KDM5D: variants seen among roughly 807,000 people sequenced by gnomAD.
KDM5D encodes lysine-specific demethylase 5D.
KDM5D carries 25 observed loss-of-function variants against 31.9 expected under a neutral mutation model. The observed-to-expected ratio is 0.78, with a 90% CI of 0.57 to 1.09. KDM5D has a LOEUF of 1.09. KDM5D is among the 50% of genes least tolerant of loss of function. The pLI is 0.00. For synonymous variants in KDM5D, 146 were observed against 122.3 expected (o/e 1.19, Z -1.28); for missense variants, 366 against 341.6 (o/e 1.07, Z -0.56).
chrY:19,744,603 C>T, intron 1 of KDM5D, 50 bp from the exon 2 acceptor site: 3 of 229,089 alleles, frequency 1.3e-5, no homozygotes, highest in Non-Finnish European at 2.1e-5. Flanking sequence ...GTTCCTCCTA[C>T]TAAAAGGCCT....
intron 13 of KDM5D, among the ~76,000 whole-genome samples, chrY:19,717,945 A>G (rs2045361233): frequency 2.9e-5 from 1 of 34,318 alleles, no homozygotes; most frequent in Non-Finnish European, 7.3e-5. Flanking sequence ...TTACTCACGT[A>G]TACAAAGAAT....
In KDM5D at chrY:19,715,382, A is replaced by G; in HGVS notation, c.2456T>C (p.Val819Ala). The change falls in exon 18 of 27, where the codon GTC (valine) becomes GCC (alanine). Residue 819 changes from valine to alanine, a missense_variant. Coordinates refer to ENST00000317961, the MANE Select transcript of KDM5D (RefSeq NM_004653.5). ...CACCTGACCACTGACCAGCCCCAGG[A>G]CTTGAGCAATACAAGCCTCCACCTC... is the stretch of plus-strand genomic sequence containing the variant. ...LSEVEACIAQ[V>A]LGLVSGQVAR... 2.5e-6 allele frequency: 1 copy of G among 398,250 alleles called. No homozygotes were observed. The highest frequency in any genetic ancestry group is 3.5e-6 in the Non-Finnish European group (1 of 283,327).
At chrY:19,709,960 T>A in intron 19 of KDM5D, 151 bp from the exon 20 acceptor site, 1 of 347,984 alleles carries the variant, frequency 2.9e-6, no homozygotes, top group East Asian at 1.0e-4. Context: ...TATCTGATAA[T>A]AACAAAGGCC....
Position 19,744,506 on chromosome Y carries a change from G to A in KDM5D, c.29C>T (p.Pro10Leu). ...CTCAAAAACCGGGCACTCCGGTGGC[G>A]GCAGGAACTCGTCACACCCCGGTTC... Reference protein sequence around the residue: MEPGCDEFLPPPECPVFEPS... With the variant: MEPGCDEFLLPPECPVFEPS... The change falls in exon 2 of 27, where the codon CCG becomes CTG. Residue 10 changes from proline (P) to leucine (L), a missense_variant. Transcript: ENST00000317961. 2.5e-6 allele frequency: 1 copy of A among 396,410 alleles called. No homozygotes were observed. The highest frequency in any genetic ancestry group is 3.5e-6 in the Non-Finnish European group (1 of 281,830).
rs1315713234 is a variant in KDM5D at position 19,710,417 on chromosome Y, C to T, written c.2542G>A (p.Gly848Ser). The change falls in exon 19 of 27, where the codon GGC becomes AGC. Residue 848 changes from glycine to serine, a missense_variant. Physicochemically the swap from Gly to Ser is moderately conservative, Grantham distance 56. Transcript: ENST00000317961. ...TELRVLLEQM[G>S]SLPCAMHQIG... ...TGATGCATGGCACAGGGCAGGCTGC[C>T]CATCTGCTCAAGAAGGACCCGGAGT... 3 of 390,283 alleles carry T rather than the reference C, an allele frequency of 7.7e-6. No individual in the cohort carries two copies. The highest frequency in any genetic ancestry group is 1.1e-5 in the Non-Finnish European group (3 of 278,866).
Position 19,706,291 on chromosome Y carries a change from G to T in KDM5D, c.4324C>A (p.Arg1442=). The part of the protein sequence containing the change: ...SRTRSRALER[R]RRRQKVDQGR... ...TGATCCACCTTCTGCCGCCGCCGTCGCCTCTCCAGAGCCCGGCTCCTTGTC... is the reference window on the plus strand; with the variant it reads ...TGATCCACCTTCTGCCGCCGCCGTCTCCTCTCCAGAGCCCGGCTCCTTGTC... Residue 1442 remains arginine (R), a synonymous_variant, in exon 27 of 27, where the codon CGA becomes AGA. Coordinates refer to ENST00000317961, the MANE Select transcript of KDM5D (RefSeq NM_004653.5). 5.1e-6 allele frequency: 2 copies of T among 395,219 alleles called. No homozygotes were observed. The highest frequency in any genetic ancestry group is 1.9e-4 in the East Asian group (2 of 10,680).
chrY:19,715,084 G>A, intron 18 of KDM5D: 1 of 124,787 alleles, frequency 8.0e-6, no homozygotes. Flanking sequence ...CTATTATACT[G>A]CTTTTTGTCC....
At position 19,708,035 on chromosome Y, in the gene KDM5D, T is replaced by C; in HGVS notation, c.3298A>G (p.Thr1100Ala). Residue 1100 changes from threonine (T) to alanine (A), a missense_variant, in exon 23 of 27, where the codon ACC (threonine) becomes GCC (alanine). Coordinates refer to ENST00000317961, the MANE Select transcript of KDM5D (RefSeq NM_004653.5). ...CPCADAGSDS[T>A]KRSRWMEKAL... ...TTCTCCATCCACCGGCTACGCTTGGTGCTGTCTGAGCCAGCGTCTGCACAC... is the reference window on the plus strand; with the variant it reads ...TTCTCCATCCACCGGCTACGCTTGGCGCTGTCTGAGCCAGCGTCTGCACAC... The C allele has an allele frequency of 2.5e-6, 1 of 392,955 alleles. No individual in the cohort carries two copies.
At chrY:19,711,250 T>G (rs2045295757) in intron 18 of KDM5D, among the ~76,000 whole-genome samples, 1 of 33,467 alleles carries the variant, frequency 3.0e-5, no homozygotes, top group Non-Finnish European at 7.4e-5. Flanking sequence ...GGGTTCAATC[T>G]GGAAAAGCCT....
chrY:19,727,924 C>T (rs755966968), intron 11 of KDM5D, among the ~76,000 whole-genome samples: 1 of 31,519 alleles, frequency 3.2e-5, no homozygotes, highest in South Asian at 7.1e-4. Context: ...AAGACAACAG[C>T]AGCAAAAGAA....
At chrY:19,725,496 T>C in intron 11 of KDM5D, among the ~76,000 whole-genome samples, 1 of 33,620 alleles carries the variant, frequency 3.0e-5, no homozygotes, top group Non-Finnish European at 7.4e-5. Flanking sequence ...GCTAGCCATA[T>C]GCAGAAAGCT....
intron 18 of KDM5D, among the ~76,000 whole-genome samples, chrY:19,714,255 C>T: frequency 6.0e-5 from 2 of 33,073 alleles, no homozygotes; most frequent in Admixed American, 5.4e-4. Flanking sequence ...GGTTAACAAA[C>T]CCCCATGACA....
In KDM5D at chrY:19,741,815, T is replaced by C; in HGVS notation, c.271A>G (p.Lys91Glu). The change falls in exon 4 of 27, where the codon AAA (lysine) becomes GAA (glutamate). Residue 91 changes from lysine (K) to glutamate (E), a missense_variant. Coordinates refer to ENST00000317961, the MANE Select transcript of KDM5D (RefSeq NM_004653.5). ...GAGGAGCCTTGAATTTCCCAGAATT[T>C]TGCAATCTGATCCAAATAGTTCAAT... ...VKLNYLDQIA[K>E]FWEIQGSSLK... 1 of 391,797 alleles carries C rather than the reference T, an allele frequency of 2.6e-6. No individual in the cohort carries two copies.
At position 19,706,124 on chromosome Y, in the gene KDM5D, G is replaced by C; in HGVS notation, c.4491C>G (p.Ser1497=). The C allele has an allele frequency of 5.0e-6, 2 of 396,460 alleles. No individual in the cohort carries two copies. The highest frequency in any genetic ancestry group is 7.1e-6 in the Non-Finnish European group (2 of 282,283). The change falls in exon 27 of 27, where the codon TCC becomes TCG. Residue 1497 remains serine (S), a synonymous_variant. Transcript: ENST00000317961. ...CTTTCAAGAAAGGGCTGTGGTCTGT[G>C]GAAGGTGTCAGGAACATATTTTCAC... is the stretch of plus-strand genomic sequence containing the variant. ...ADRENMFLTP[S]TDHSPFLKGN...
chrY:19,709,794 C>A lies in KDM5D; in HGVS notation c.2599G>T (p.Val867Leu). 2.5e-6 allele frequency: 1 copy of A among 398,199 alleles called. No homozygotes were observed. The highest frequency in any genetic ancestry group is 3.0e-5 in the South Asian group (1 of 33,708). Residue 867 changes from valine (V) to leucine (L), a missense_variant, in exon 20 of 27, where the codon GTG (valine) becomes TTG (leucine). Physicochemically the swap from Val to Leu is conservative, Grantham distance 32. Transcript: ENST00000317961. ...CGAGCCTCAGCTTGATAGGCCTCCA[C>A]CTGTTCCAGGACATCCTGCAAGGAC... ...IGDVKDVLEQVEAYQAEAREA... is the reference protein window; with the variant it reads ...IGDVKDVLEQLEAYQAEAREA...
At chrY:19,710,932 C>G (rs2045293643) in intron 18 of KDM5D, among the ~76,000 whole-genome samples, 3 of 33,847 alleles carry the variant, frequency 8.9e-5, no homozygotes, top group Admixed American at 8.0e-4. Context: ...GAAGTAGTAG[C>G]TTTCACAGTG....
At chrY:19,716,173 T>C in intron 15 of KDM5D, 106 bp downstream of exon 15, 1 of 254,193 alleles carries the variant, frequency 3.9e-6, no homozygotes, top group South Asian at 3.5e-5. Flanking sequence ...CATTTCAAAA[T>C]GCATGACTTA....
At chrY:19,718,235 A>T (rs2045363443) in intron 13 of KDM5D, among the ~76,000 whole-genome samples, 1 of 34,485 alleles carries the variant, frequency 2.9e-5, no homozygotes, top group African/African-American at 1.1e-4. Context: ...CTCTGAAAGG[A>T]AGAACTTGAA....
intron 13 of KDM5D, among the ~76,000 whole-genome samples, chrY:19,720,320 G>A: frequency 3.0e-5 from 1 of 33,332 alleles, no homozygotes; most frequent in Non-Finnish European, 7.4e-5. Context: ...AGCACATTTT[G>A]TTGAGATGAA....
Sources: allele counts gnomAD v4.1 joint callset (sites outside exome capture counted in the v4.1 genomes callset), GRCh38; gene constraint gnomAD v4.1.1; transcripts MANE v1.5; gene names NCBI Gene and HGNC (gene_info 2026-07-23, HGNC 2026-07-21).